Variants in SLC22A15 observed in about 807,000 individuals in gnomAD.
SLC22A15 encodes the protein flipt 1.
SLC22A15 carries 45 observed loss-of-function variants against 62.7 expected under a neutral mutation model. The ratio of observed to expected loss-of-function variants is 0.72; its 90% CI spans 0.56 to 0.92. The LOEUF (loss-of-function observed/expected upper bound fraction) is 0.92. Among genes scored for constraint, SLC22A15 ranks in the 40% least tolerant of loss-of-function variants. The pLI is 0.00. For synonymous variants in SLC22A15, 264 were observed against 267.0 expected, an observed-to-expected ratio of 0.99 and a Z score of 0.11; for missense variants, 622 against 665.6, an observed-to-expected ratio of 0.93 and a Z score of 0.72.
Position 116,002,637 on chromosome 1 carries a change from G to T in SLC22A15, c.300+10394G>T, listed in dbSNP as rs553945580. Among the ~76,000 whole-genome samples, 20 of 151,716 alleles carry T rather than the reference G, an allele frequency of 1.3e-4. No individual in the cohort carries two copies. The South Asian group carries it at 1.5e-3, about 11-fold the overall frequency. On this transcript the variant is annotated intron_variant, in intron 2 of 11. Coordinates refer to ENST00000369503, the MANE Select transcript of SLC22A15 (RefSeq NM_018420.3). ...TTGCCCATGGCCAACACTGCCCCAG[G>T]CCTGTGGTAACTATTGCCTGGCTAC...
At chr1:115,992,399 T>G (rs1489506608) in intron 2 of SLC22A15, among the ~76,000 whole-genome samples, 156 bp downstream of exon 2, 1 of 152,208 alleles carries the variant, frequency 6.6e-6, no homozygotes, top group East Asian at 1.9e-4. Context: ...AGGAGAACAT[T>G]CTATGAGAAC....
intron 2 of SLC22A15, among the ~76,000 whole-genome samples, chr1:115,996,683 A>C (rs1360657806): frequency 6.7e-6 from 1 of 148,902 alleles, no homozygotes; most frequent in African/African-American, 2.5e-5. Flanking sequence ...ATTCATTTTT[A>C]TATGTTAATC....
rs1656263417 is a variant in SLC22A15, at chr1:116,011,688, T to TG, written c.301-7892dup. Among the ~76,000 whole-genome samples, 3 of 152,130 alleles carry TG rather than the reference T, an allele frequency of 2.0e-5. No individual in the cohort carries two copies. The South Asian group carries it at 6.2e-4, about 32-fold the overall frequency. ...ATTGTAAAGCAAAAATAGGGTGATG[T>TG]GGCAGAAAGGAGAGAGTGGTAAGCT... On this transcript the variant is annotated intron_variant, in intron 2 of 11. Coordinates refer to ENST00000369503, the MANE Select transcript of SLC22A15 (RefSeq NM_018420.3).
At chr1:115,988,959 G>A (rs1260475702) in intron 1 of SLC22A15, among the ~76,000 whole-genome samples, 1 of 152,074 alleles carries the variant, frequency 6.6e-6, no homozygotes, top group African/African-American at 2.4e-5. Flanking sequence ...GCTCCCTTAT[G>A]GTTAGCAAAA....
At chr1:116,018,458 G>A (rs1010166270) in intron 2 of SLC22A15, among the ~76,000 whole-genome samples, 3 of 151,954 alleles carry the variant, frequency 2.0e-5, no homozygotes, top group Admixed American at 6.6e-5. Context: ...TCCGCCTCCC[G>A]GGTTCACACC....
At chr1:116,001,626 G>T (rs772584830) in intron 2 of SLC22A15, among the ~76,000 whole-genome samples, 1 of 151,774 alleles carries the variant, frequency 6.6e-6, no homozygotes, top group Non-Finnish European at 1.5e-5. Flanking sequence ...GAGAGATTCT[G>T]GTGCGTTCTT....
chr1:116,019,095 G>A (rs1404657619), intron 2 of SLC22A15, among the ~76,000 whole-genome samples: 1 of 152,212 alleles, frequency 6.6e-6, no homozygotes, highest in Non-Finnish European at 1.5e-5. Context: ...CCTGGAAATG[G>A]AATTGCCAGA....
intron 8 of SLC22A15, among the ~76,000 whole-genome samples, chr1:116,043,730 G>T (rs566207353): frequency 6.6e-6 from 1 of 152,134 alleles, no homozygotes; most frequent in East Asian, 1.9e-4. Flanking sequence ...ATAATAAAGA[G>T]AAAAGGAAGA....
intron 6 of SLC22A15, chr1:116,032,602 G>C: frequency 1.0e-6 from 1 of 985,398 alleles, no homozygotes; most frequent in Non-Finnish European, 1.2e-6. Context: ...GCTGCCACCT[G>C]TATGGTTGGG....
intron 1 of SLC22A15, among the ~76,000 whole-genome samples, chr1:115,982,238 C>A (rs761764389): frequency 6.6e-6 from 1 of 152,116 alleles, no homozygotes; most frequent in Non-Finnish European, 1.5e-5. Context: ...TTGATATCTG[C>A]CTTCATGGGA....
intron 6 of SLC22A15, 128 bp downstream of exon 6, chr1:116,031,709 C>A: frequency 6.8e-7 from 1 of 1,473,198 alleles, no homozygotes; most frequent in Non-Finnish European, 9.0e-7. Context: ...GTTTTCTCAA[C>A]AGCAAGTCTC....
At chr1:116,049,021 C>T (rs1179055652) in intron 8 of SLC22A15, among the ~76,000 whole-genome samples, 3 of 152,138 alleles carry the variant, frequency 2.0e-5, no homozygotes, top group African/African-American at 4.8e-5. Flanking sequence ...TATATAACGG[C>T]AAAAGCCCTT....
intron 8 of SLC22A15, among the ~76,000 whole-genome samples, chr1:116,040,805 T>C (rs1156825500): frequency 1.3e-5 from 2 of 152,014 alleles, no homozygotes; most frequent in African/African-American, 4.8e-5. Flanking sequence ...AAAAAGAAAA[T>C]TATTTTTGTA....
Position 115,986,408 on chromosome 1 carries a change from A to G in SLC22A15, c.88-5623A>G, listed in dbSNP as rs77611580. Among the ~76,000 whole-genome samples, 491 of 152,298 alleles carry G rather than the reference A, an allele frequency of 3.2e-3. 2 individuals are homozygous for G. Among genetic ancestry groups the G allele is most frequent in the African/African-American group, 0.01 (431 of 41,542 alleles). On this transcript the variant is annotated intron_variant, in intron 1 of 11. Coordinates refer to ENST00000369503, the MANE Select transcript of SLC22A15 (RefSeq NM_018420.3). ...AAATTAGAGTTGAACTATTATCTAC[A>G]CATTATATAATGATACAAAGCAATA...
chr1:116,036,217 A>G (rs1354397559), intron 7 of SLC22A15, among the ~76,000 whole-genome samples: 2 of 152,140 alleles, frequency 1.3e-5, no homozygotes, highest in Non-Finnish European at 2.9e-5. Flanking sequence ...AATCTTTCCC[A>G]GCACCCCCAG....
chr1:116,059,899 T>C (rs1245688170), intron 8 of SLC22A15, among the ~76,000 whole-genome samples: 1 of 152,234 alleles, frequency 6.6e-6, no homozygotes, highest in African/African-American at 2.4e-5. Context: ...ATGATGTCTG[T>C]AGTAGTCGCA....
At chr1:116,025,024 G>A (rs1221270571) in intron 4 of SLC22A15, among the ~76,000 whole-genome samples, 1 of 151,998 alleles carries the variant, frequency 6.6e-6, no homozygotes, top group Non-Finnish European at 1.5e-5. Flanking sequence ...TTAATAAATA[G>A]AAGGGCTAAA....
Position 116,067,193 on chromosome 1 carries a change from T to A in SLC22A15, c.*85T>A. The A allele has an allele frequency of 9.7e-7, 1 of 1,029,684 alleles. No individual in the cohort carries two copies. Among genetic ancestry groups the A allele is most frequent in the Non-Finnish European group, 1.5e-6 (1 of 676,966 alleles). 63.8% of individuals were successfully genotyped at this position (1,029,684 alleles called of 1,614,324 possible). On this transcript the variant is annotated 3_prime_UTR_variant, in exon 12 of 12. Transcript: ENST00000369503. ...GGTTCTTCCATGACTCCTAAGAGAGTTGTAAAAATAGAGGCTTGGCTTGAA... is the reference window on the plus strand; with the variant it reads ...GGTTCTTCCATGACTCCTAAGAGAGATGTAAAAATAGAGGCTTGGCTTGAA...
chr1:116,031,706 C>G, intron 6 of SLC22A15, 125 bp downstream of exon 6: 1 of 1,478,260 alleles, frequency 6.8e-7, no homozygotes, highest in Non-Finnish European at 9.0e-7. Context: ...GTTGTTTTCT[C>G]AACAGCAAGT....
Sources: allele counts gnomAD v4.1 joint callset (sites outside exome capture counted in the v4.1 genomes callset), GRCh38; gene constraint gnomAD v4.1.1; transcripts MANE v1.5; gene names NCBI Gene and HGNC (gene_info 2026-07-23, HGNC 2026-07-21).